KDM5B: variants seen among roughly 807,000 people sequenced by gnomAD.
The protein encoded by KDM5B is lysine demethylase 5B, also known as lysine-specific demethylase 5B.
Under a neutral mutation model 193.4 loss-of-function variants are expected in KDM5B, and 144 were observed. That is an observed-to-expected ratio of 0.74 (90% confidence interval 0.65 to 0.86). The LOEUF is 0.86. Among genes scored for constraint, KDM5B ranks in the 40% least tolerant of loss-of-function variants. The pLI is 0.00. For synonymous variants in KDM5B, 668 were observed against 682.6 expected, an observed-to-expected ratio of 0.98 and a Z score of 0.33; for missense variants, 1,833 against 1,886.9, an observed-to-expected ratio of 0.97 and a Z score of 0.53.
At chr1:202,759,788 T>C (rs1356163941) in intron 8 of KDM5B, among the ~76,000 whole-genome samples, 1 of 152,200 alleles carries the variant, frequency 6.6e-6, no homozygotes, top group Non-Finnish European at 1.5e-5. Context: ...ATATGCATTG[T>C]GAAAGCATAA....
At chr1:202,755,596 A>G in intron 10 of KDM5B, 144 bp from the exon 11 acceptor site, 1 of 648,734 alleles carries the variant, frequency 1.5e-6, no homozygotes, top group Non-Finnish European at 2.6e-6. Context: ...TAGGATGCCC[A>G]GAGATTCGTT....
chr1:202,745,692 T>C (rs1287029493), intron 16 of KDM5B, among the ~76,000 whole-genome samples, 166 bp downstream of exon 16: 2 of 152,216 alleles, frequency 1.3e-5, no homozygotes, highest in East Asian at 3.9e-4. Context: ...TATCCACTCT[T>C]GGTTTTAAAA....
At chr1:202,733,320 C>A (rs2102214862) in intron 23 of KDM5B, 81 bp downstream of exon 23, 11 of 1,501,824 alleles carry the variant, frequency 7.3e-6, no homozygotes, top group Non-Finnish European at 9.9e-6. Flanking sequence ...AAGGGAATAG[C>A]AACACCAAAG....
At chr1:202,789,854 A>T (rs1055822550) in intron 1 of KDM5B, among the ~76,000 whole-genome samples, 9 of 152,080 alleles carry the variant, frequency 5.9e-5, no homozygotes, top group African/African-American at 2.2e-4. Flanking sequence ...ACGTGCCTGT[A>T]GTCCCATCTA....
intron 1 of KDM5B, among the ~76,000 whole-genome samples, chr1:202,782,207 A>AT (rs1336241398): frequency 6.6e-6 from 1 of 152,202 alleles, no homozygotes; most frequent in Non-Finnish European, 1.5e-5. Context: ...GTTATAAAGA[A>AT]TGAGAGAAGA....
At chr1:202,767,197 C>T in intron 4 of KDM5B, 137 bp from the exon 5 acceptor site, 1 of 1,553,384 alleles carries the variant, frequency 6.4e-7, no homozygotes. Context: ...AAATACTCTT[C>T]ATATCTGTTA....
intron 2 of KDM5B, 147 bp from the exon 3 acceptor site, chr1:202,774,882 A>G (rs1314515395): frequency 4.5e-6 from 3 of 660,494 alleles, no homozygotes; most frequent in Admixed American, 3.1e-5. Flanking sequence ...GCAAAATCAT[A>G]TAATACCACT....
intron 1 of KDM5B, among the ~76,000 whole-genome samples, chr1:202,792,076 T>C (rs1361453627): frequency 6.6e-6 from 1 of 152,188 alleles, no homozygotes; most frequent in African/African-American, 2.4e-5. Context: ...AAGGACTCAA[T>C]TCATTTCTTC....
intron 1 of KDM5B, among the ~76,000 whole-genome samples, chr1:202,794,092 TTC>T (rs1161866365): frequency 1.3e-5 from 2 of 152,196 alleles, no homozygotes; most frequent in Non-Finnish European, 2.9e-5. Flanking sequence ...CTGTATAAAC[TTC>T]TCTTATATCC....
At chr1:202,758,576 A>T in intron 8 of KDM5B, 66 bp from the exon 9 acceptor site, 1 of 1,336,440 alleles carries the variant, frequency 7.5e-7, no homozygotes, top group Non-Finnish European at 1.0e-6. Flanking sequence ...GTCAATCATC[A>T]AGCTGGCAGA....
rs1449773834 is a variant in KDM5B at position 202,741,449 on chromosome 1, C to G, written c.2863G>C (p.Glu955Gln). ...GVGLAPYSAVEKAMARLQELL... is the reference protein window; with the variant it reads ...GVGLAPYSAVQKAMARLQELL... Reference sequence around the variant, plus strand: ...TCCTGCAGCCGGGCCATAGCTTTCTCCACTGCTGAATACGGGGCCAGCCCT... The same window carrying G: ...TCCTGCAGCCGGGCCATAGCTTTCTGCACTGCTGAATACGGGGCCAGCCCT... Residue 955 changes from glutamate (E) to glutamine (Q), a missense_variant, in exon 19 of 27, where the codon GAG (glutamate) becomes CAG (glutamine). Coordinates refer to ENST00000367265, the MANE Select transcript of KDM5B (RefSeq NM_006618.5). The G allele has an allele frequency of 6.2e-7, 1 of 1,612,418 alleles. No homozygotes were observed. Among genetic ancestry groups the G allele is most frequent in the Non-Finnish European group, 8.5e-7 (1 of 1,178,826 alleles).
At chr1:202,764,714 C>G (rs1451887696) in intron 5 of KDM5B, among the ~76,000 whole-genome samples, 1 of 152,172 alleles carries the variant, frequency 6.6e-6, no homozygotes, top group Non-Finnish European at 1.5e-5. Context: ...CGAGGTGCCT[C>G]ACACCTGTAA....
intron 2 of KDM5B, among the ~76,000 whole-genome samples, chr1:202,775,719 G>T: frequency 6.8e-6 from 1 of 147,024 alleles, no homozygotes. Flanking sequence ...AGCTGGATGT[G>T]GTGGTATACG....
Position 202,728,280 on chromosome 1 carries a change from G to A in KDM5B, c.*756C>T, listed in dbSNP as rs1436802670. On this transcript the variant is annotated 3_prime_UTR_variant, in exon 27 of 27. Transcript: ENST00000367265. ...TACCAAAAAATAGGGGAGAAAGGAA[G>A]GGACAGGGAGAAAGCCAAAATACAG... The A allele has an allele frequency of 6.6e-6, 1 of 152,626 alleles. No homozygotes were observed. The highest frequency in any genetic ancestry group is 1.5e-5 in the Non-Finnish European group (1 of 68,062). The allele number at this position is 152,626 out of a possible 1,614,324, so 9.5% of individuals were successfully genotyped here.
At chr1:202,792,458 G>A (rs867145693) in intron 1 of KDM5B, among the ~76,000 whole-genome samples, 6 of 152,052 alleles carry the variant, frequency 3.9e-5, no homozygotes, top group South Asian at 2.1e-4. Context: ...AGGGAGCCCC[G>A]AGTCCTAAAT....
At position 202,745,930 on chromosome 1, in the gene KDM5B, G is replaced by A. The variant is rs1287727763; in HGVS notation, c.2251C>T (p.Arg751Ter). The A allele has an allele frequency of 6.2e-6, 10 of 1,613,672 alleles. No homozygotes were observed. Among genetic ancestry groups the A allele is most frequent in the African/African-American group, 1.3e-5 (1 of 74,880 alleles). The stretch of plus-strand genomic sequence containing the variant: ...GCCCATTCGTTGTAAGATTCTGCTC[G>A]AAGCTTCAATGCATTCATCATAGGG... ...LYPMMNALKL[R>*]AESYNEWALN... The change falls in exon 16 of 27, where the codon CGA (arginine) becomes TGA (stop). Residue 751 changes from arginine to a stop codon, truncating the protein, a stop_gained. Transcript: ENST00000367265. LOFTEE classifies it high-confidence loss of function.
In KDM5B at chr1:202,802,983, G is replaced by C. The variant is rs1658135081; in HGVS notation, c.204+5119C>G. ...AGCACTTTGGGAGGCCAAAGCGGGA[G>C]AACTGCTTGAAGCCAGGAGTTCAAG... On this transcript the variant is annotated intron_variant, in intron 1 of 26. Coordinates refer to ENST00000367265, the MANE Select transcript of KDM5B (RefSeq NM_006618.5). Among the ~76,000 whole-genome samples, 4 of 152,256 alleles carry C rather than the reference G, an allele frequency of 2.6e-5. No homozygotes were observed. The South Asian group carries it at 6.2e-4, about 24-fold the overall frequency.
rs753883605 is a variant in KDM5B at position 202,742,500 on chromosome 1, C to T, written c.2480G>A (p.Arg827Gln). The change falls in exon 18 of 27, where the codon CGA becomes CAA. Residue 827 changes from arginine to glutamine, a missense_variant. By Grantham distance (43) the Arg-to-Gln change is conservative (BLOSUM62 1). Coordinates refer to ENST00000367265, the MANE Select transcript of KDM5B (RefSeq NM_006618.5). ...LLNGKRQTRY[R>Q]SGGGKSQNQL... ...ATTTTGGGATTTCCCTCCACCAGATCGATATCTGTAAAGACAAAGGCCCAA... is the reference window on the plus strand; with the variant it reads ...ATTTTGGGATTTCCCTCCACCAGATTGATATCTGTAAAGACAAAGGCCCAA... 48 of 1,613,488 alleles carry T rather than the reference C, an allele frequency of 3.0e-5. No individual in the cohort carries two copies. In the Admixed American group the frequency reaches 5.5e-4, roughly 18 times the overall value.
Position 202,736,327 on chromosome 1 carries a change from G to C in KDM5B, c.3150C>G (p.Pro1050=), listed in dbSNP as rs1141109. 0.76 allele frequency: 1,218,199 copies of C among 1,610,708 alleles called. 467,732 individuals are homozygous for C. Among genetic ancestry groups the C allele is most frequent in the Admixed American group, 0.84 (50,315 of 59,694 alleles). The stretch of plus-strand genomic sequence containing the variant: ...GTCTTGGCAAAGAATTCAGATGTAC[G>C]GGGATAGATCGGCCTCGTGTAACAA... The part of the protein sequence containing the change: ...IELVTRGRSI[P]VHLNSLPRLE... Residue 1050 remains proline (P), a synonymous_variant, in exon 21 of 27, where the codon CCC becomes CCG. Coordinates refer to ENST00000367265, the MANE Select transcript of KDM5B (RefSeq NM_006618.5).
Sources: allele counts gnomAD v4.1 joint callset (sites outside exome capture counted in the v4.1 genomes callset), GRCh38; gene constraint gnomAD v4.1.1; transcripts MANE v1.5; gene names NCBI Gene and HGNC (gene_info 2026-07-23, HGNC 2026-07-21).